PAPSS1: variants seen among roughly 807,000 people sequenced by gnomAD.
PAPSS1 encodes bifunctional 3'-phosphoadenosine 5'-phosphosulfate synthase 1.
In PAPSS1, 50 loss-of-function variants were observed where a neutral mutation model predicts 72.0. The ratio of observed to expected loss-of-function variants is 0.69; its 90% CI spans 0.55 to 0.88. The LOEUF is 0.88. Ranked by LOEUF, PAPSS1 falls within the 40% of genes least tolerant of loss-of-function variation. PAPSS1 has a pLI of 0.00. For missense variants in PAPSS1, 657 were observed against 782.2 expected, an observed-to-expected ratio of 0.84 and a Z score of 1.91; for synonymous variants, 261 against 263.6, an observed-to-expected ratio of 0.99 and a Z score of 0.09.
At chr4:107,705,834 GTTTCT>G (rs950952759) in intron 1 of PAPSS1, among the ~76,000 whole-genome samples, 1 of 152,160 alleles carries the variant, frequency 6.6e-6, no homozygotes, top group African/African-American at 2.4e-5. Flanking sequence ...TCCCTTTAGT[GTTTCT>G]TTTAAGACAT....
chr4:107,707,179 C>T (rs1723359630), intron 1 of PAPSS1, among the ~76,000 whole-genome samples: 1 of 152,162 alleles, frequency 6.6e-6, no homozygotes, highest in Admixed American at 6.5e-5. Context: ...TGTACTGGGG[C>T]AGACCTGAAG....
intron 2 of PAPSS1, among the ~76,000 whole-genome samples, chr4:107,694,562 G>C (rs1053795631): frequency 6.6e-6 from 1 of 152,090 alleles, no homozygotes; most frequent in Non-Finnish European, 1.5e-5. Context: ...CTTTTCTAAA[G>C]CTGCATGCCA....
At chr4:107,639,578 G>C (rs568343950) in intron 10 of PAPSS1, among the ~76,000 whole-genome samples, 4 of 152,254 alleles carry the variant, frequency 2.6e-5, no homozygotes, top group Non-Finnish European at 4.4e-5. Context: ...TAAGGATTTT[G>C]GAAAAGAGAC....
intron 5 of PAPSS1, among the ~76,000 whole-genome samples, chr4:107,664,888 T>G (rs1176532925): frequency 6.6e-6 from 1 of 152,224 alleles, no homozygotes; most frequent in Non-Finnish European, 1.5e-5. Flanking sequence ...TTTTTTCATA[T>G]TTTGTTTTTG....
intron 4 of PAPSS1, among the ~76,000 whole-genome samples, chr4:107,683,973 CACAA>C (rs1204335510): frequency 6.6e-5 from 9 of 136,168 alleles, no homozygotes; most frequent in East Asian, 5.8e-4. Context: ...CAGACACACA[CACAA>C]ACACACATTA....
chr4:107,634,989 G>A (rs998249862), intron 10 of PAPSS1, among the ~76,000 whole-genome samples: 17 of 151,870 alleles, frequency 1.1e-4, no homozygotes, highest in East Asian at 7.8e-4. Context: ...TAGTAGAGAC[G>A]GGGTTTTACC....
intron 1 of PAPSS1, among the ~76,000 whole-genome samples, chr4:107,707,243 G>A (rs1723361028): frequency 6.6e-6 from 1 of 152,172 alleles, no homozygotes; most frequent in Non-Finnish European, 1.5e-5. Context: ...CCTGGAGAGG[G>A]CCTGAAGCTG....
intron 10 of PAPSS1, among the ~76,000 whole-genome samples, chr4:107,634,024 T>C (rs1578387463): frequency 6.6e-6 from 1 of 151,950 alleles, no homozygotes; most frequent in East Asian, 1.9e-4. Flanking sequence ...AAATAGTCTG[T>C]TTATTGGTTT....
At chr4:107,620,718 A>G (rs1725932400) in intron 11 of PAPSS1, among the ~76,000 whole-genome samples, 2 of 152,206 alleles carry the variant, frequency 1.3e-5, no homozygotes, top group Admixed American at 1.3e-4. Flanking sequence ...ACAAAGAATT[A>G]TCTGGCCCAA....
At chr4:107,622,365 T>C (rs918448181) in intron 11 of PAPSS1, among the ~76,000 whole-genome samples, 1 of 152,220 alleles carries the variant, frequency 6.6e-6, no homozygotes, top group Non-Finnish European at 1.5e-5. Flanking sequence ...AAGAGCAGCA[T>C]ATAGGTATTG....
intron 11 of PAPSS1, among the ~76,000 whole-genome samples, chr4:107,617,390 G>C (rs1725852153): frequency 6.6e-6 from 1 of 151,778 alleles, no homozygotes. Context: ...GAGGAACCAG[G>C]ATTTTAACAA....
intron 9 of PAPSS1, among the ~76,000 whole-genome samples, chr4:107,648,393 T>TC (rs774723095): frequency 6.6e-6 from 1 of 152,064 alleles, no homozygotes; most frequent in Non-Finnish European, 1.5e-5. Flanking sequence ...AAGCTGAGTA[T>TC]CCAAAGACAA....
intron 11 of PAPSS1, among the ~76,000 whole-genome samples, chr4:107,620,932 G>A (rs1725937606): frequency 6.6e-6 from 1 of 152,220 alleles, no homozygotes; most frequent in South Asian, 2.1e-4. Context: ...TAGCTTTACA[G>A]TTATTTCCTC....
chr4:107,716,637 C>T (rs1033356965), intron 1 of PAPSS1, among the ~76,000 whole-genome samples: 2 of 152,140 alleles, frequency 1.3e-5, no homozygotes, highest in Non-Finnish European at 2.9e-5. Context: ...TCCCCAAGGG[C>T]AGATGAAAAC....
intron 5 of PAPSS1, among the ~76,000 whole-genome samples, chr4:107,671,840 T>G (rs375941236): frequency 3.2e-4 from 48 of 152,376 alleles, no homozygotes; most frequent in African/African-American, 1.1e-3. Flanking sequence ...TAAAATTGTA[T>G]TCTTTTTCAT....
Position 107,713,570 on chromosome 4 carries a change from C to G in PAPSS1, c.60+6550G>C, listed in dbSNP as rs188288129. Among the ~76,000 whole-genome samples the G allele has an allele frequency of 7.2e-5, 11 of 151,974 alleles. No homozygotes were observed. The South Asian group carries it at 1.7e-3, about 23-fold the overall frequency. ...GTCAAGAGATCGAGACCATCCTGACCAACATGGTAAAATCTCATCTCTACT... is the reference window on the plus strand; with the variant it reads ...GTCAAGAGATCGAGACCATCCTGACGAACATGGTAAAATCTCATCTCTACT... On this transcript the variant is annotated intron_variant, in intron 1 of 11. Coordinates refer to ENST00000265174, the MANE Select transcript of PAPSS1 (RefSeq NM_005443.5).
At chr4:107,720,007 C>A in intron 1 of PAPSS1, 113 bp downstream of exon 1, 17 of 1,514,734 alleles carry the variant, frequency 1.1e-5, no homozygotes, top group Non-Finnish European at 1.3e-5. Flanking sequence ...AACCCACCTC[C>A]GCGCTCCTGG....
chr4:107,701,013 A>T (rs77136486), intron 2 of PAPSS1, among the ~76,000 whole-genome samples, 158 bp downstream of exon 2: 10 of 152,104 alleles, frequency 6.6e-5, no homozygotes, highest in East Asian at 3.9e-4. Flanking sequence ...ACAAAAAAAA[A>T]AATAACAAGA....
At chr4:107,651,743 T>C (rs1352633335) in intron 9 of PAPSS1, among the ~76,000 whole-genome samples, 2 of 152,158 alleles carry the variant, frequency 1.3e-5, no homozygotes, top group Non-Finnish European at 2.9e-5. Context: ...GTGGGGATTA[T>C]AGGAACTACA....
Sources: allele counts gnomAD v4.1 joint callset (sites outside exome capture counted in the v4.1 genomes callset), GRCh38; gene constraint gnomAD v4.1.1; transcripts MANE v1.5; gene names NCBI Gene and HGNC (gene_info 2026-07-23, HGNC 2026-07-21).